GRK7: variants seen among roughly 807,000 people sequenced by gnomAD.
The protein encoded by GRK7 is G protein-coupled receptor kinase 7.
Under a neutral mutation model 34.1 loss-of-function variants are expected in GRK7, and 24 were observed. The ratio of observed to expected loss-of-function variants is 0.70; its 90% CI spans 0.51 to 0.99. The LOEUF is 0.99. Ranked by LOEUF, GRK7 falls within the 50% of genes least tolerant of loss-of-function variation. The probability of loss-of-function intolerance (pLI) is 0.00; values close to 1 mark genes in which losing one functional copy is unlikely to be tolerated. For synonymous variants in GRK7, 256 were observed against 279.4 expected, an observed-to-expected ratio of 0.92 and a Z score of 0.84; for missense variants, 644 against 707.3, an observed-to-expected ratio of 0.91 and a Z score of 1.02.
chr3:141,817,068 A>G lies in GRK7; in HGVS notation c.*18A>G. The G allele has an allele frequency of 1.3e-6, 2 of 1,549,944 alleles. No homozygotes were observed. The highest frequency in any genetic ancestry group is 1.2e-5 in the South Asian group (1 of 83,540). ...TATTGTAAATTGCTCTCTTTACCAG[A>G]CAGGCAGCAGGAGTCTCGGCTGACA... On this transcript the variant is annotated 3_prime_UTR_variant, in exon 6 of 6. Coordinates refer to ENST00000682958, the MANE Select transcript of GRK7 (RefSeq NM_139209.3).
chr3:141,777,304 T>C (rs2107875887), intron 2 of GRK7, among the ~76,000 whole-genome samples: 1 of 146,182 alleles, frequency 6.8e-6, no homozygotes, highest in African/African-American at 2.6e-5. Flanking sequence ...TGGTATGTTT[T>C]GGGTGGAGAT....
rs1559840249 is a variant in GRK7, at chr3:141,778,422, G to A, written c.138G>A (p.Ala46=). The stretch of plus-strand genomic sequence containing the variant: ...CCCTGCCCGGGCTGCAGGGCTGCGC[G>A]GAGCTCCGCCAGAAGCTGTCCCTGA... ...SLALPGLQGC[A]ELRQKLSLNF... The change falls in exon 3 of 6, where the codon GCG becomes GCA. Residue 46 remains alanine, a synonymous_variant. Transcript: ENST00000682958. The surrounding 1 kb of genome is among the most constrained non-coding windows in gnomAD (Gnocchi z 4.1). 2.5e-6 allele frequency: 4 copies of A among 1,612,804 alleles called. No individual in the cohort carries two copies. Among genetic ancestry groups the A allele is most frequent in the Non-Finnish European group, 2.5e-6 (3 of 1,179,824 alleles).
Position 141,816,977 on chromosome 3 carries a change from T to C in GRK7, c.1589T>C (p.Leu530Pro). ...EIIETGLFEE[L>P]NDPNRPTGCE... ...ATAGAAACGGGACTGTTTGAGGAAC[T>C]GAATGACCCCAACAGACCTACGGGT... The change falls in exon 6 of 6, where the codon CTG becomes CCG. Residue 530 changes from leucine to proline, a missense_variant. Leu to Pro is a moderately conservative substitution (Grantham distance 98, BLOSUM62 -3). Transcript: ENST00000682958. 1 of 1,614,108 alleles carries C rather than the reference T, an allele frequency of 6.2e-7. No individual in the cohort carries two copies. Among genetic ancestry groups the C allele is most frequent in the Non-Finnish European group, 8.5e-7 (1 of 1,180,012 alleles).
chr3:141,789,093 G>A (rs2084710728), intron 4 of GRK7, among the ~76,000 whole-genome samples: 1 of 152,184 alleles, frequency 6.6e-6, no homozygotes, highest in South Asian at 2.1e-4. Context: ...GGGATTGCAG[G>A]TGTGAGCCAC....
chr3:141,804,449 TTGCACA>T (rs924607490), intron 4 of GRK7, among the ~76,000 whole-genome samples: 15 of 152,216 alleles, frequency 9.9e-5, no homozygotes, highest in African/African-American at 3.4e-4. Flanking sequence ...ACTCCATCTC[TTGCACA>T]TGCTCATTAC....
At chr3:141,756,962 G>A in the GRK7 span, among the ~76,000 whole-genome samples, 1 of 151,924 alleles carries the variant, frequency 6.6e-6, no homozygotes, top group South Asian at 2.1e-4. Flanking sequence ...TTTTTTAAGG[G>A]AAAATGTTTT....
Position 141,780,815 on chromosome 3 carries a change from A to G in GRK7, c.1050+4A>G. ...TGGCAAGCCCATCACCCAGAGGGTG[A>G]GTGACTCTCCACCTGCCCCAAGTGC... On this transcript the variant is annotated splice_donor_region_variant and intron_variant, in intron 4 of 5. Transcript: ENST00000682958. 1 of 1,608,950 alleles carries G rather than the reference A, an allele frequency of 6.2e-7. No individual in the cohort carries two copies. Among genetic ancestry groups the G allele is most frequent in the South Asian group, 1.1e-5 (1 of 90,562 alleles).
At chr3:141,815,236 TTTG>T (rs1559849438) in intron 5 of GRK7, among the ~76,000 whole-genome samples, 2,688 of 21,100 alleles carry the variant, frequency 0.13, 24 homozygotes, top group Middle Eastern at 0.21. Flanking sequence ...GTTTTTTTTG[TTTG>T]TTTGTTTGTT....
At chr3:141,803,169 G>T (rs2107891110) in intron 4 of GRK7, among the ~76,000 whole-genome samples, 1 of 151,080 alleles carries the variant, frequency 6.6e-6, no homozygotes, top group East Asian at 2.0e-4. Context: ...GCTCACGCCT[G>T]TAATCCCAGC....
At chr3:141,789,656 CA>C (rs60765509) in intron 4 of GRK7, among the ~76,000 whole-genome samples, 67,834 of 119,550 alleles carry the variant, frequency 0.57, 17,680 homozygotes, top group East Asian at 0.66. Flanking sequence ...GCCAAATGGG[CA>C]AAAAAAAAAA....
Position 141,807,789 on chromosome 3 carries a change from A to C in GRK7, c.1195A>C (p.Ser399Arg). The C allele has an allele frequency of 6.2e-7, 1 of 1,614,260 alleles. No individual in the cohort carries two copies. Among genetic ancestry groups the C allele is most frequent in the Non-Finnish European group, 8.5e-7 (1 of 1,180,042 alleles). Reference sequence around the variant, plus strand: ...ATTCAAAGATTACAAGGAAAAGGTCAGTAAAGAGGATCTGAAGCAAAGAAC... The same window carrying C: ...ATTCAAAGATTACAAGGAAAAGGTCCGTAAAGAGGATCTGAAGCAAAGAAC... Reference protein sequence around the residue: ...TPFKDYKEKVSKEDLKQRTLQ... With the variant: ...TPFKDYKEKVRKEDLKQRTLQ... Residue 399 changes from serine (S) to arginine (R), a missense_variant, in exon 5 of 6, where the codon AGT (serine) becomes CGT (arginine). By Grantham distance (110) the Ser-to-Arg change is moderately radical. Coordinates refer to ENST00000682958, the MANE Select transcript of GRK7 (RefSeq NM_139209.3).
chr3:141,755,956 TTCA>T, the GRK7 span, among the ~76,000 whole-genome samples: 10 of 151,318 alleles, frequency 6.6e-5, no homozygotes, highest in Non-Finnish European at 8.8e-5. Context: ...AACCCAAATG[TTCA>T]TCAACAGAAT....
chr3:141,804,560 AAC>A (rs1187223718), intron 4 of GRK7, among the ~76,000 whole-genome samples: 5 of 151,140 alleles, frequency 3.3e-5, no homozygotes, highest in African/African-American at 1.2e-4. Context: ...ACACTCACAT[AAC>A]ACACACATAC....
intron 5 of GRK7, among the ~76,000 whole-genome samples, chr3:141,809,833 C>T (rs1490465395): frequency 6.6e-6 from 1 of 152,028 alleles, no homozygotes; most frequent in Non-Finnish European, 1.5e-5. Flanking sequence ...TGTCCCAGCT[C>T]TGCTATAGAC....
At chr3:141,801,454 A>G (rs1250205971) in intron 4 of GRK7, among the ~76,000 whole-genome samples, 1 of 152,114 alleles carries the variant, frequency 6.6e-6, no homozygotes, top group Admixed American at 6.5e-5. Context: ...TAGGTGGGGA[A>G]AAAAGACAGA....
chr3:141,806,733 G>A (rs1711040308), intron 4 of GRK7, among the ~76,000 whole-genome samples: 1 of 152,028 alleles, frequency 6.6e-6, no homozygotes, highest in African/African-American at 2.4e-5. Flanking sequence ...CTGGCGTTGA[G>A]GGGAGGAAGA....
At chr3:141,755,001 C>G in the GRK7 span, among the ~76,000 whole-genome samples, 2 of 152,158 alleles carry the variant, frequency 1.3e-5, no homozygotes, top group South Asian at 2.1e-4. Flanking sequence ...CAAAATATAA[C>G]TACGTATGGA....
At chr3:141,805,295 A>G (rs935109166) in intron 4 of GRK7, among the ~76,000 whole-genome samples, 1 of 152,160 alleles carries the variant, frequency 6.6e-6, no homozygotes, top group Non-Finnish European at 1.5e-5. Context: ...ATGACTCAAC[A>G]AATGTTTTCT....
At chr3:141,766,838 A>T (rs1035005709) in intron 1 of GRK7, among the ~76,000 whole-genome samples, 7 of 152,250 alleles carry the variant, frequency 4.6e-5, no homozygotes, top group African/African-American at 1.4e-4. Context: ...GCAGATTTTT[A>T]AAATCTTATT....
Sources: gnomAD v4.1 joint callset for allele counts (sites outside exome capture counted in the v4.1 genomes callset) on GRCh38, gnomAD v4.1.1 for gene constraint, Gnocchi (gnomAD v3.1) non-coding constraint, MANE v1.5 for transcripts, NCBI Gene and HGNC (gene_info 2026-07-23, HGNC 2026-07-21) for gene names.